USP53: variants seen among roughly 807,000 people sequenced by gnomAD.
USP53 encodes ubiquitin specific peptidase 53.
USP53 carries 71 observed loss-of-function variants against 94.9 expected under a neutral mutation model. The observed-to-expected ratio is 0.75, with a 90% confidence interval of 0.62 to 0.91. USP53 has a LOEUF of 0.91. USP53 is among the 40% of genes least tolerant of loss of function. The probability of loss-of-function intolerance (pLI) is 0.00; values close to 1 mark genes in which losing one functional copy is unlikely to be tolerated. For synonymous variants in USP53, 375 were observed against 422.7 expected, an observed-to-expected ratio of 0.89 and a Z score of 1.39; for missense variants, 1,173 against 1,281.0, an observed-to-expected ratio of 0.92 and a Z score of 1.29.
chr4:119,260,375 T>C (rs1042074858), intron 10 of USP53, 132 bp from the exon 11 acceptor site: 6 of 615,268 alleles, frequency 9.8e-6, no homozygotes, highest in Non-Finnish European at 1.5e-5. Flanking sequence ...AAACAGCTTG[T>C]TAGAAGTCAA....
At chr4:119,253,604 A>G (rs1159924366) in intron 7 of USP53, among the ~76,000 whole-genome samples, 3 of 151,910 alleles carry the variant, frequency 2.0e-5, no homozygotes, top group African/African-American at 7.3e-5. Flanking sequence ...TTTTGAGTCT[A>G]TGTGTGTCTC....
At chr4:119,261,925 G>T in intron 12 of USP53, 61 bp downstream of exon 12, 1 of 1,231,436 alleles carries the variant, frequency 8.1e-7, no homozygotes, top group Non-Finnish European at 1.1e-6. Flanking sequence ...GTTAATAAAT[G>T]ATATATTGAT....
intron 1 of USP53, chr4:119,213,171 T>C (rs1743108163): frequency 6.5e-6 from 1 of 152,850 alleles, no homozygotes; most frequent in Admixed American, 6.5e-5. Flanking sequence ...CTGGATGTTA[T>C]TGCTGCCGTG....
In USP53 at chr4:119,272,005, C is replaced by T; in HGVS notation, c.2145C>T (p.Ile715=). ...VIDGNGTVMD[I]SGVKETVCFS... is the part of the protein sequence containing the mutation. ...ATGGAAATGGTACAGTAATGGATAT[C>T]AGTGGTGTTAAAGAAACAGTATGCT... The change falls in exon 16 of 19, where the codon ATC becomes ATT. Residue 715 remains isoleucine (I), a synonymous_variant. Coordinates refer to ENST00000692078, the MANE Select transcript of USP53 (RefSeq NM_001371395.1). 2 of 1,601,048 alleles carry T rather than the reference C, an allele frequency of 1.2e-6. No homozygotes were observed. The highest frequency in any genetic ancestry group is 1.7e-6 in the Non-Finnish European group (2 of 1,175,498).
chr4:119,248,953 G>A, intron 7 of USP53, 71 bp downstream of exon 7: 5 of 1,553,160 alleles, frequency 3.2e-6, no homozygotes, highest in Non-Finnish European at 4.3e-6. Flanking sequence ...CAAGTGTTGA[G>A]ACAAATGAAA....
rs1751295764 is a variant in USP53, at chr4:119,267,486, AT to A, written c.1135+6del. On this transcript the variant is annotated splice_donor_5th_base_variant and intron_variant, in intron 13 of 18. Transcript: ENST00000692078. ...AAATCTGTTGCAGAAAATATGGGTA[AT>A]TCTTTCTTTTAAAAATTCTCAATGT... is the stretch of plus-strand genomic sequence containing the variant. 1 of 1,603,598 alleles carries A rather than the reference AT, an allele frequency of 6.2e-7. No individual in the cohort carries two copies. The highest frequency in any genetic ancestry group is 2.2e-5 in the East Asian group (1 of 44,644).
intron 16 of USP53, chr4:119,273,406 C>A: frequency 7.9e-6 from 3 of 378,118 alleles, no homozygotes; most frequent in East Asian, 4.2e-5. Context: ...GACTTTATAA[C>A]CAGATAGACT....
At chr4:119,262,509 TTACAG>T (rs35806059) in intron 12 of USP53, among the ~76,000 whole-genome samples, 43,615 of 151,780 alleles carry the variant, frequency 0.29, 6,368 homozygotes, top group East Asian at 0.38. Flanking sequence ...TACTGTACTC[TTACAG>T]TAAAGTAAGC....
chr4:119,285,417 A>G (rs10010174), intron 17 of USP53, among the ~76,000 whole-genome samples: 114,885 of 151,690 alleles, frequency 0.76, 43,517 homozygotes, highest in Non-Finnish European at 0.78. Flanking sequence ...ATTTGCTTCC[A>G]GAGTCTGCAA....
At chr4:119,285,893 T>A (rs867841593) in intron 17 of USP53, among the ~76,000 whole-genome samples, 2 of 151,900 alleles carry the variant, frequency 1.3e-5, no homozygotes, top group Admixed American at 6.6e-5. Flanking sequence ...TGTACTTTTT[T>A]AAAACTAAAC....
intron 3 of USP53, among the ~76,000 whole-genome samples, chr4:119,221,892 T>C (rs1170159199): frequency 6.6e-6 from 1 of 152,164 alleles, no homozygotes; most frequent in Non-Finnish European, 1.5e-5. Flanking sequence ...AAATCAAACA[T>C]GGACATAAAC....
chr4:119,271,248 G>T (rs1471285282), intron 15 of USP53, 48 bp from the exon 16 acceptor site: 2 of 1,512,192 alleles, frequency 1.3e-6, no homozygotes, highest in Admixed American at 2.4e-5. Flanking sequence ...TGACTACAAG[G>T]TGGCTCTGAG....
chr4:119,246,389 G>A (rs554354452), intron 6 of USP53, among the ~76,000 whole-genome samples: 83 of 152,324 alleles, frequency 5.4e-4, no homozygotes, highest in Non-Finnish European at 1.0e-3. Flanking sequence ...GCAAGACCAC[G>A]TGGAGACATT....
Position 119,294,395 on chromosome 4 carries a change from GAA to G in USP53, c.*1185_*1186del, listed in dbSNP as rs1253902103. ...TAATTTTACCCCAACTACTTTTCAT[GAA>G]GAGTGCTTTGAAAATTAAAGGAATT... On this transcript the variant is annotated 3_prime_UTR_variant, in exon 19 of 19. Transcript: ENST00000692078. 1 of 152,034 alleles carries G rather than the reference GAA, an allele frequency of 6.6e-6. No homozygotes were observed. Among genetic ancestry groups the G allele is most frequent in the African/African-American group, 2.4e-5 (1 of 41,434 alleles). 9.4% of individuals were successfully genotyped at this position (152,034 alleles called of 1,614,324 possible).
At chr4:119,250,843 G>A (rs1248183397) in intron 7 of USP53, among the ~76,000 whole-genome samples, 1 of 151,950 alleles carries the variant, frequency 6.6e-6, no homozygotes, top group Middle Eastern at 3.2e-3. Context: ...TATGGTGTTA[G>A]TGTAGATATA....
chr4:119,267,794 T>C (rs1751334112), intron 13 of USP53, among the ~76,000 whole-genome samples: 1 of 152,238 alleles, frequency 6.6e-6, no homozygotes, highest in African/African-American at 2.4e-5. Flanking sequence ...GCTAGGTCAT[T>C]TTTGGATGCA....
At chr4:119,276,098 C>T (rs1359757060) in intron 17 of USP53, among the ~76,000 whole-genome samples, 4 of 112,026 alleles carry the variant, frequency 3.6e-5, no homozygotes, top group Non-Finnish European at 8.3e-5. Flanking sequence ...ATTTCCTTCT[C>T]CTGCCTAATT....
chr4:119,253,357 C>T (rs1749296671), intron 7 of USP53, among the ~76,000 whole-genome samples: 2 of 151,958 alleles, frequency 1.3e-5, no homozygotes, highest in Non-Finnish European at 2.9e-5. Flanking sequence ...AGTCTAAGTC[C>T]CTTTGTAGAA....
At position 119,248,657 on chromosome 4, in the gene USP53, T is replaced by G; in HGVS notation, c.238-91T>G. ...AGACTTCTGTATTATTTTCCAAGTATAGTGTTTTGAGTTTCTCTGTGTTGT... is the reference window on the plus strand; with the variant it reads ...AGACTTCTGTATTATTTTCCAAGTAGAGTGTTTTGAGTTTCTCTGTGTTGT... On this transcript the variant is annotated intron_variant, in intron 6 of 18. Transcript: ENST00000692078. 3 of 1,447,076 alleles carry G rather than the reference T, an allele frequency of 2.1e-6. No homozygotes were observed. The South Asian group carries it at 4.4e-5, about 21-fold the overall frequency. 89.6% of individuals were successfully genotyped at this position (1,447,076 alleles called of 1,614,324 possible).
Sources: gnomAD v4.1 joint callset for allele counts (sites outside exome capture counted in the v4.1 genomes callset) on GRCh38, gnomAD v4.1.1 for gene constraint, MANE v1.5 for transcripts, NCBI Gene and HGNC (gene_info 2026-07-23, HGNC 2026-07-21) for gene names.